The following MYCBP2 variants were observed in gnomAD, a reference collection of about 807,000 sequenced individuals.
The protein encoded by MYCBP2 is E3 ubiquitin-protein ligase MYCBP2.
A neutral mutation model predicts 525.3 loss-of-function variants in MYCBP2; 120 were observed. The ratio of observed to expected loss-of-function variants is 0.23; its 90% CI spans 0.20 to 0.27. The LOEUF (loss-of-function observed/expected upper bound fraction) is 0.27, where lower values mean the gene tolerates loss of function less well. Among genes scored for constraint, MYCBP2 ranks in the 10% least tolerant of loss-of-function variants. The probability of loss-of-function intolerance (pLI) is 1.00; values close to 1 mark genes in which losing one functional copy is unlikely to be tolerated. For missense variants in MYCBP2, 4,149 were observed against 5,657.1 expected, an observed-to-expected ratio of 0.73 and a Z score of 8.55; for synonymous variants, 1,894 against 1,955.8, an observed-to-expected ratio of 0.97 and a Z score of 0.83.
At chr13:77,244,973 G>A (rs1034602902) in intron 15 of MYCBP2, among the ~76,000 whole-genome samples, 1 of 152,134 alleles carries the variant, frequency 6.6e-6, no homozygotes, top group Non-Finnish European at 1.5e-5. Context: ...CTTCTCAAAC[G>A]AAGACATTTA....
chr13:77,073,423 C>T (rs559776862), intron 68 of MYCBP2, among the ~76,000 whole-genome samples: 69 of 152,266 alleles, frequency 4.5e-4, no homozygotes, highest in Middle Eastern at 3.4e-3. Context: ...AAAAAATCTA[C>T]AGTTCACATC....
At chr13:77,314,905 T>C (rs1237655490) in intron 1 of MYCBP2, among the ~76,000 whole-genome samples, 1 of 152,112 alleles carries the variant, frequency 6.6e-6, no homozygotes, top group Non-Finnish European at 1.5e-5. Flanking sequence ...TCAATTTTGC[T>C]ATGAACTTAA....
chr13:77,131,117 C>T (rs1333916704), intron 52 of MYCBP2, among the ~76,000 whole-genome samples: 1 of 152,148 alleles, frequency 6.6e-6, no homozygotes, highest in Non-Finnish European at 1.5e-5. Context: ...ATTCTTAATT[C>T]ACACTGGTTT....
At chr13:77,169,782 T>C (rs1198048952) in intron 38 of MYCBP2, 68 bp from the exon 39 acceptor site, 3 of 1,257,846 alleles carry the variant, frequency 2.4e-6, no homozygotes, top group Non-Finnish European at 3.5e-6. Context: ...GCATACATGC[T>C]GTACTAAATC....
At chr13:77,236,567 T>C (rs567693653) in intron 17 of MYCBP2, among the ~76,000 whole-genome samples, 1 of 152,278 alleles carries the variant, frequency 6.6e-6, no homozygotes, top group Admixed American at 6.5e-5. Flanking sequence ...TAGCAACATT[T>C]TAAAAATACC....
chr13:77,288,012 GCTC>G (rs2077064155), intron 3 of MYCBP2, 146 bp downstream of exon 3: 1 of 743,198 alleles, frequency 1.3e-6, no homozygotes, highest in Admixed American at 2.8e-5. Context: ...TTCCTTTTCT[GCTC>G]CAAATCTATT....
rs2082321158 is a variant in MYCBP2 at position 77,326,425 on chromosome 13, G to A, written c.302+49C>T. On this transcript the variant is annotated intron_variant, in intron 1 of 82. Transcript: ENST00000544440. This position sits in a 1 kb window ranked among gnomAD's most constrained non-coding sequence, Gnocchi z 4.2. Reference sequence around the variant, plus strand: ...CGCGGGTGCACGCGCGGCATGGGGCGCAAGGAAGGGCGGCATGGGGCGCAA... The same window carrying A: ...CGCGGGTGCACGCGCGGCATGGGGCACAAGGAAGGGCGGCATGGGGCGCAA... 6.7e-7 allele frequency: 1 copy of A among 1,486,416 alleles called. No homozygotes were observed. The highest frequency in any genetic ancestry group is 8.9e-7 in the Non-Finnish European group (1 of 1,122,464). 92.1% of individuals were successfully genotyped at this position (1,486,416 alleles called of 1,614,324 possible).
Position 77,161,838 on chromosome 13 carries a change from C to T in MYCBP2, c.6597+68G>A, listed in dbSNP as rs563808862. On this transcript the variant is annotated intron_variant, in intron 44 of 82. Coordinates refer to ENST00000544440, the MANE Select transcript of MYCBP2 (RefSeq NM_015057.5). ...GAACCCAATGGTCAAGACAAATAGGCTGATCTGAGTGACAATACTTTTTAA... is the reference window on the plus strand; with the variant it reads ...GAACCCAATGGTCAAGACAAATAGGTTGATCTGAGTGACAATACTTTTTAA... 2.2e-5 allele frequency: 27 copies of T among 1,216,560 alleles called. No homozygotes were observed. In the African/African-American group the frequency reaches 4.1e-4, roughly 18 times the overall value. 75.4% of individuals were successfully genotyped at this position (1,216,560 alleles called of 1,614,324 possible).
intron 1 of MYCBP2, among the ~76,000 whole-genome samples, chr13:77,318,056 C>T (rs2081181734): frequency 6.6e-6 from 1 of 152,114 alleles, no homozygotes; most frequent in Admixed American, 6.6e-5. Flanking sequence ...ATCAAACATC[C>T]TGCAAGCCCT....
At chr13:77,122,545 C>G (rs112942524) in intron 54 of MYCBP2, among the ~76,000 whole-genome samples, 2 of 151,798 alleles carry the variant, frequency 1.3e-5, no homozygotes, top group Non-Finnish European at 2.9e-5. Context: ...AAAAATTAGC[C>G]GGGCGTGGTG....
At chr13:77,047,320 A>G (rs1413174117) in intron 82 of MYCBP2, among the ~76,000 whole-genome samples, 1 of 152,196 alleles carries the variant, frequency 6.6e-6, no homozygotes, top group Admixed American at 6.5e-5. Flanking sequence ...TGATTCTTAG[A>G]TACCTCATCT....
chr13:77,174,910 TA>T (rs1285945290), intron 36 of MYCBP2, among the ~76,000 whole-genome samples: 1 of 84,252 alleles, frequency 1.2e-5, no homozygotes, highest in Non-Finnish European at 2.0e-5. Context: ...TATATATATA[TA>T]ATATATATTA....
rs1234297346 is a variant in MYCBP2 at position 77,215,046 on chromosome 13, C to A, written c.3057+2794G>T. On this transcript the variant is annotated intron_variant, in intron 21 of 82. Coordinates refer to ENST00000544440, the MANE Select transcript of MYCBP2 (RefSeq NM_015057.5). ...AACTGTAAAACAATGACATTCATTA[C>A]CTCCAAGTATGGAATGAAAGGTGTG... 2.6e-5 allele frequency among the ~76,000 whole-genome samples: 4 copies of A among 152,138 alleles called. No homozygotes were observed. In the East Asian group the frequency reaches 7.7e-4, roughly 29 times the overall value.
chr13:77,078,895 A>G lies in MYCBP2; in HGVS notation c.11419-6T>C. ...GTCATTGAGGTAACTTTATTCTGAA[A>G]TAGACAATTCACAATAGTTAATATG... is the stretch of plus-strand genomic sequence containing the variant. On this transcript the variant is annotated splice_region_variant and splice_polypyrimidine_tract_variant and intron_variant, in intron 65 of 82. Coordinates refer to ENST00000544440, the MANE Select transcript of MYCBP2 (RefSeq NM_015057.5). 6.2e-7 allele frequency: 1 copy of G among 1,609,358 alleles called. No homozygotes were observed. The highest frequency in any genetic ancestry group is 8.5e-7 in the Non-Finnish European group (1 of 1,176,106).
intron 3 of MYCBP2, among the ~76,000 whole-genome samples, chr13:77,279,968 A>T (rs1050404423): frequency 6.6e-6 from 1 of 152,196 alleles, no homozygotes; most frequent in African/African-American, 2.4e-5. Context: ...TTATCTTCCA[A>T]TATACAAGGA....
chr13:77,129,493 T>G, intron 52 of MYCBP2: 1 of 271,544 alleles, frequency 3.7e-6, no homozygotes, highest in Non-Finnish European at 6.8e-6. Flanking sequence ...GACGTTGTTA[T>G]AAAGCTTAAG....
intron 1 of MYCBP2, among the ~76,000 whole-genome samples, chr13:77,315,620 T>G (rs568657231): frequency 9.9e-5 from 15 of 152,126 alleles, no homozygotes; most frequent in Non-Finnish European, 2.1e-4. Flanking sequence ...GCAAGCCGGG[T>G]GCGATGGCTC....
At chr13:77,208,575 T>A (rs1198434120) in intron 23 of MYCBP2, among the ~76,000 whole-genome samples, 1 of 152,210 alleles carries the variant, frequency 6.6e-6, no homozygotes, top group Non-Finnish European at 1.5e-5. Flanking sequence ...CTTGGAAAGA[T>A]CTCTAAATTA....
chr13:77,056,882 G>A, intron 79 of MYCBP2, 104 bp downstream of exon 79: 3 of 790,432 alleles, frequency 3.8e-6, no homozygotes. Context: ...AACTGCTAGG[G>A]GCTGGTGGGT....
Sources: gnomAD v4.1 joint callset for allele counts (sites outside exome capture counted in the v4.1 genomes callset) on GRCh38, gnomAD v4.1.1 for gene constraint, Gnocchi (gnomAD v3.1) non-coding constraint, MANE v1.5 for transcripts, NCBI Gene and HGNC (gene_info 2026-07-23, HGNC 2026-07-21) for gene names.